COL26A1: variants seen among roughly 807,000 people sequenced by gnomAD.
COL26A1 encodes collagen alpha-1(XXVI) chain.
A neutral mutation model predicts 59.3 loss-of-function variants in COL26A1; 41 were observed. That is an observed-to-expected ratio of 0.69 (90% CI 0.54 to 0.90). The LOEUF is 0.90. COL26A1 is among the 40% of genes least tolerant of loss of function. The pLI is 0.00. For synonymous variants in COL26A1, 266 were observed against 256.0 expected (o/e 1.04, Z -0.37); for missense variants, 612 against 602.3 (o/e 1.02, Z -0.17).
intron 3 of COL26A1, among the ~76,000 whole-genome samples, chr7:101,499,311 G>A (rs1794652671): frequency 1.3e-5 from 2 of 152,328 alleles, no homozygotes; most frequent in East Asian, 1.9e-4. Flanking sequence ...GGAGGCCAAG[G>A]TGGGAGGATT....
intron 3 of COL26A1, among the ~76,000 whole-genome samples, chr7:101,507,609 G>A (rs1215549354): frequency 6.7e-6 from 1 of 148,218 alleles, no homozygotes. Flanking sequence ...AATAGAGATG[G>A]GGTTTCTCCG....
At chr7:101,442,614 G>A (rs981592283) in intron 2 of COL26A1, among the ~76,000 whole-genome samples, 1 of 152,208 alleles carries the variant, frequency 6.6e-6, no homozygotes, top group African/African-American at 2.4e-5. Flanking sequence ...AGGCTTTGTG[G>A]TTTGAAAGGC....
chr7:101,451,578 G>A lies in COL26A1; in HGVS notation c.385+3791G>A, dbSNP rs544318423. Among the ~76,000 whole-genome samples the A allele has an allele frequency of 3.7e-3, 561 of 149,906 alleles. 3 individuals carry two copies. The highest frequency in any genetic ancestry group is 0.012 in the African/African-American group (496 of 41,046). ...CTGGTAACATAATTATATATTATAC[G>A]TAAAGTATATAATTTATATATGTAT... is the stretch of plus-strand genomic sequence containing the variant. On this transcript the variant is annotated intron_variant, in intron 3 of 12. Coordinates refer to ENST00000313669, the MANE Select transcript of COL26A1 (RefSeq NM_001278563.3).
intron 2 of COL26A1, among the ~76,000 whole-genome samples, chr7:101,441,431 C>A: frequency 6.6e-6 from 1 of 152,186 alleles, no homozygotes; most frequent in Non-Finnish European, 1.5e-5. Context: ...TGTGCCTCAG[C>A]CTCCTGAGTA....
intron 3 of COL26A1, among the ~76,000 whole-genome samples, chr7:101,448,977 T>C (rs1161663651): frequency 6.6e-6 from 1 of 152,230 alleles, no homozygotes; most frequent in Non-Finnish European, 1.5e-5. Flanking sequence ...AAATAGAGAC[T>C]CTGACAATTG....
In COL26A1 at chr7:101,442,574, A is replaced by G. The variant is rs1448440042; in HGVS notation, c.282-5110A>G. Among the ~76,000 whole-genome samples the G allele has an allele frequency of 2.0e-5, 3 of 152,192 alleles. No homozygotes were observed. In the East Asian group the frequency reaches 5.8e-4, roughly 29 times the overall value. ...GCCTGGTTGGAAAGCCAGCCACATC[A>G]TATAGGGTTAAAATAGAACCTGTGT... On this transcript the variant is annotated intron_variant, in intron 2 of 12. Transcript: ENST00000313669.
chr7:101,418,577 T>G (rs564886956), intron 1 of COL26A1, among the ~76,000 whole-genome samples: 17 of 151,976 alleles, frequency 1.1e-4, no homozygotes, highest in Non-Finnish European at 2.4e-4. Context: ...CAAGTGATAC[T>G]CCTGCCTCAG....
chr7:101,371,783 C>T (rs1420187583), intron 1 of COL26A1, among the ~76,000 whole-genome samples: 1 of 152,076 alleles, frequency 6.6e-6, no homozygotes, highest in African/African-American at 2.4e-5. Context: ...CAGAGTGAGA[C>T]CCTGTCTCTG....
At position 101,457,931 on chromosome 7, in the gene COL26A1, C is replaced by G. The variant is rs200443404; in HGVS notation, c.385+10144C>G. On this transcript the variant is annotated intron_variant, in intron 3 of 12. Coordinates refer to ENST00000313669, the MANE Select transcript of COL26A1 (RefSeq NM_001278563.3). The stretch of plus-strand genomic sequence containing the variant: ...TTTTTTTTTGAAATGGAGTCTCACC[C>G]TGTTGCCCAAGCAGGAGAGCAATGG... Among the ~76,000 whole-genome samples the G allele has an allele frequency of 6.1e-5, 9 of 146,888 alleles. No individual in the cohort carries two copies. The East Asian group carries it at 1.8e-3, about 29-fold the overall frequency.
intron 3 of COL26A1, among the ~76,000 whole-genome samples, chr7:101,456,043 C>T (rs1046196057): frequency 6.6e-6 from 1 of 151,832 alleles, no homozygotes; most frequent in Non-Finnish European, 1.5e-5. Context: ...CAATAGATAG[C>T]CTTCTATAAT....
chr7:101,530,200 T>C (rs1795334902), intron 3 of COL26A1, among the ~76,000 whole-genome samples: 1 of 151,990 alleles, frequency 6.6e-6, no homozygotes, highest in Admixed American at 6.6e-5. Context: ...TGGAACCCTG[T>C]TCATTTTGAT....
intron 3 of COL26A1, among the ~76,000 whole-genome samples, chr7:101,489,645 CT>C (rs1165991467): frequency 1.8e-4 from 13 of 72,690 alleles, no homozygotes; most frequent in East Asian, 7.3e-4. Context: ...TTCTTTCTTT[CT>C]TTCTTTCTTT....
intron 3 of COL26A1, among the ~76,000 whole-genome samples, chr7:101,499,540 T>G (rs1322674499): frequency 1.3e-5 from 2 of 152,094 alleles, no homozygotes; most frequent in South Asian, 4.1e-4. Flanking sequence ...AAAAATTGGC[T>G]GGGCATGGTG....
upstream of COL26A1, among the ~76,000 whole-genome samples, chr7:101,362,432 T>G (rs892609363): frequency 6.6e-6 from 1 of 152,134 alleles, no homozygotes; most frequent in African/African-American, 2.4e-5. Context: ...GAAGCTCTGG[T>G]CAGTTTCTCA....
chr7:101,392,277 G>A (rs1241540813), intron 1 of COL26A1, among the ~76,000 whole-genome samples: 2 of 152,014 alleles, frequency 1.3e-5, no homozygotes, highest in Non-Finnish European at 2.9e-5. Flanking sequence ...AGTCTGGCCT[G>A]TTGGGGCAGT....
At chr7:101,556,889 C>CTGAG (rs1225252396) in intron 12 of COL26A1, among the ~76,000 whole-genome samples, 1 of 102,220 alleles carries the variant, frequency 9.8e-6, no homozygotes, top group Non-Finnish European at 2.1e-5. Flanking sequence ...AAATGAATGA[C>CTGAG]TGAGTGGATG....
intron 1 of COL26A1, 23 bp downstream of exon 1, chr7:101,363,213 G>C (rs1790943335): frequency 1.8e-6 from 2 of 1,113,866 alleles, no homozygotes; most frequent in Non-Finnish European, 2.4e-6. Flanking sequence ...GGGCCGAGGG[G>C]CCGGGGGGTG....
chr7:101,464,421 A>T (rs959091192), intron 3 of COL26A1, among the ~76,000 whole-genome samples: 3 of 142,374 alleles, frequency 2.1e-5, no homozygotes, highest in African/African-American at 7.8e-5. Flanking sequence ...TTTTATTATT[A>T]TTTTTTTTGA....
chr7:101,541,614 G>A (rs948137824), intron 5 of COL26A1, among the ~76,000 whole-genome samples: 2 of 151,814 alleles, frequency 1.3e-5, no homozygotes, highest in South Asian at 2.1e-4. Context: ...GCTTCCCAAA[G>A]TGCTGGGATT....
Sources: allele counts gnomAD v4.1 joint callset (sites outside exome capture counted in the v4.1 genomes callset), GRCh38; gene constraint gnomAD v4.1.1; transcripts MANE v1.5; gene names NCBI Gene and HGNC (gene_info 2026-07-23, HGNC 2026-07-21).